Variants in ATP2B2 observed in about 807,000 individuals in gnomAD.
ATP2B2 encodes the protein plasma membrane calcium-transporting ATPase 2.
A neutral mutation model predicts 120.0 loss-of-function variants in ATP2B2; 15 were observed. The ratio of observed to expected loss-of-function variants is 0.12; its 90% CI spans 0.08 to 0.19. The LOEUF is 0.19. Ranked by LOEUF, ATP2B2 falls within the 10% of genes least tolerant of loss-of-function variation. The pLI is 1.00. For missense variants in ATP2B2, 1,045 were observed against 1,719.8 expected (o/e 0.61, Z 6.94); for synonymous variants, 694 against 700.3 (o/e 0.99, Z 0.14).
chr3:10,687,893 C>G (rs376104947), intron 1 of ATP2B2, among the ~76,000 whole-genome samples: 4 of 151,876 alleles, frequency 2.6e-5, no homozygotes, highest in Non-Finnish European at 5.9e-5. Flanking sequence ...ACCATTGGGC[C>G]GCAAGACATC....
intron 1 of ATP2B2, among the ~76,000 whole-genome samples, chr3:10,650,730 C>T (rs1487994246): frequency 6.6e-6 from 1 of 152,212 alleles, no homozygotes; most frequent in African/African-American, 2.4e-5. Flanking sequence ...GGGCTACCAT[C>T]CTCCAGACCC....
intron 2 of ATP2B2, among the ~76,000 whole-genome samples, chr3:10,573,862 A>G: frequency 6.6e-6 from 1 of 152,076 alleles, no homozygotes; most frequent in Non-Finnish European, 1.5e-5. Flanking sequence ...TTCCTCTGGG[A>G]GCTGTCAGCC....
intron 2 of ATP2B2, among the ~76,000 whole-genome samples, chr3:10,448,479 G>A (rs2125174713): frequency 6.6e-6 from 1 of 152,294 alleles, no homozygotes; most frequent in East Asian, 1.9e-4. Context: ...CCCAAACCAT[G>A]AGGTCTGGTA....
At chr3:10,565,462 C>T (rs913154609) in intron 2 of ATP2B2, among the ~76,000 whole-genome samples, 1 of 152,164 alleles carries the variant, frequency 6.6e-6, no homozygotes, top group African/African-American at 2.4e-5. Flanking sequence ...TCTCTGCCTC[C>T]TTGGCCATAT....
At position 10,465,820 on chromosome 3, in the gene ATP2B2, G is replaced by T. The variant is rs894293312; in HGVS notation, c.-319-15958C>A. Among the ~76,000 whole-genome samples, 10 of 152,316 alleles carry T rather than the reference G, an allele frequency of 6.6e-5. No homozygotes were observed. The East Asian group carries it at 1.5e-3, about 24-fold the overall frequency. ...CGAAATGGGTGCTAGGTTGGGGGGC[G>T]TGTGCAGGTGTGTGCATCTCTAGTG... On this transcript the variant is annotated intron_variant, in intron 1 of 22. Coordinates refer to ENST00000360273, the MANE Select transcript of ATP2B2 (RefSeq NM_001001331.4).
intron 12 of ATP2B2, among the ~76,000 whole-genome samples, chr3:10,361,854 T>G (rs918381132): frequency 6.6e-6 from 1 of 152,248 alleles, no homozygotes; most frequent in Non-Finnish European, 1.5e-5. Context: ...CAGCAGGTGC[T>G]TATTAACTGT....
chr3:10,620,645 T>C (rs1474811877), intron 1 of ATP2B2, among the ~76,000 whole-genome samples: 1 of 152,142 alleles, frequency 6.6e-6, no homozygotes, highest in Non-Finnish European at 1.5e-5. Context: ...AGATGCTTGA[T>C]GGGAGCTGTC....
intron 1 of ATP2B2, among the ~76,000 whole-genome samples, chr3:10,683,760 GTATATATA>G (rs71055831): frequency 0.015 from 785 of 53,844 alleles, 18 homozygotes; most frequent in South Asian, 0.037. Context: ...GTGTGTGTGT[GTATATATA>G]TATATATATA....
Position 10,358,786 on chromosome 3 carries a change from T to C in ATP2B2, c.2041A>G (p.Ser681Gly), listed in dbSNP as rs1430417763. The change falls in exon 14 of 23, where the codon AGC (serine) becomes GGC (glycine). Residue 681 changes from serine (S) to glycine (G), a missense_variant. Ser to Gly is a moderately conservative substitution (Grantham distance 56, BLOSUM62 0). Transcript: ENST00000360273. ...TICVAYRDFPSSPEPDWDNEN... is the reference protein window; with the variant it reads ...TICVAYRDFPGSPEPDWDNEN... ...TTGTCCCAGTCCGGCTCCGGGCTGC[T>C]GGGGAAGTCGCGGTAGGCCACGCAG... 1 of 1,614,226 alleles carries C rather than the reference T, an allele frequency of 6.2e-7. No homozygotes were observed. Among genetic ancestry groups the C allele is most frequent in the Non-Finnish European group, 8.5e-7 (1 of 1,180,042 alleles).
Position 10,327,711 on chromosome 3 carries a change from G to T in ATP2B2, c.*1103C>A, listed in dbSNP as rs62240130. ...TTGCAGATCCTGGCATCCTTGGGCC[G>T]GATGGCCGTTAGTGTTGCAAACCCA... On this transcript the variant is annotated 3_prime_UTR_variant, in exon 23 of 23. Coordinates refer to ENST00000360273, the MANE Select transcript of ATP2B2 (RefSeq NM_001001331.4). The T allele has an allele frequency of 6.5e-6, 1 of 152,694 alleles. No homozygotes were observed. Among genetic ancestry groups the T allele is most frequent in the East Asian group, 1.9e-4 (1 of 5,202 alleles). 9.5% of individuals were successfully genotyped at this position (152,694 alleles called of 1,614,324 possible). A position where few individuals can be genotyped will look rare whatever the true frequency, so the allele number is the denominator to read the frequency against.
intron 1 of ATP2B2, among the ~76,000 whole-genome samples, chr3:10,492,985 TC>T (rs1343030155): frequency 3.9e-5 from 6 of 152,166 alleles, no homozygotes. Context: ...TATTCTTGCC[TC>T]CCCTGTACCA....
chr3:10,505,907 C>T (rs2066611106), upstream of ATP2B2, among the ~76,000 whole-genome samples: 1 of 152,012 alleles, frequency 6.6e-6, no homozygotes, highest in Admixed American at 6.6e-5. Context: ...GCCCGCTCCC[C>T]AGAAGCAGGA....
chr3:10,443,985 A>C (rs994299717), intron 2 of ATP2B2, among the ~76,000 whole-genome samples: 1 of 152,154 alleles, frequency 6.6e-6, no homozygotes, highest in African/African-American at 2.4e-5. Flanking sequence ...CTCACCAGTC[A>C]TCATGTCTTC....
chr3:10,484,545 T>C (rs1186084672), intron 1 of ATP2B2, among the ~76,000 whole-genome samples: 2 of 152,000 alleles, frequency 1.3e-5, no homozygotes, highest in African/African-American at 4.8e-5. Context: ...CCTGTATGAG[T>C]TCCTCACGGC....
chr3:10,689,334 CCTT>C (rs1385619695), intron 1 of ATP2B2, among the ~76,000 whole-genome samples: 1 of 152,112 alleles, frequency 6.6e-6, no homozygotes, highest in Non-Finnish European at 1.5e-5. Flanking sequence ...CCTCTCCACA[CCTT>C]AGTTTTCTCA....
chr3:10,558,249 G>A (rs1402459619), intron 2 of ATP2B2, among the ~76,000 whole-genome samples: 1 of 152,178 alleles, frequency 6.6e-6, no homozygotes, highest in East Asian at 1.9e-4. Flanking sequence ...GTGCTCCCAG[G>A]ATGGGTATGA....
intron 2 of ATP2B2, among the ~76,000 whole-genome samples, chr3:10,538,057 A>C (rs1051248977): frequency 3.3e-5 from 5 of 152,198 alleles, no homozygotes; most frequent in Non-Finnish European, 7.3e-5. Flanking sequence ...TGTTTTGTTA[A>C]AGATTTTCAC....
At chr3:10,547,776 T>A (rs1364351318) in intron 2 of ATP2B2, among the ~76,000 whole-genome samples, 1 of 152,148 alleles carries the variant, frequency 6.6e-6, no homozygotes, top group East Asian at 1.9e-4. Context: ...GAAACTGAAG[T>A]CCCTTGTAAG....
chr3:10,397,825 G>A (rs189888056), intron 5 of ATP2B2, among the ~76,000 whole-genome samples: 3 of 152,108 alleles, frequency 2.0e-5, no homozygotes, highest in Non-Finnish European at 2.9e-5. Flanking sequence ...ATAGACAGTC[G>A]GTGACGGGGA....
Sources: allele counts gnomAD v4.1 joint callset (sites outside exome capture counted in the v4.1 genomes callset), GRCh38; gene constraint gnomAD v4.1.1; transcripts MANE v1.5; gene names NCBI Gene and HGNC (gene_info 2026-07-23, HGNC 2026-07-21).